ITGA9: variants seen among roughly 807,000 people sequenced by gnomAD.
ITGA9 encodes the protein integrin alpha-9.
ITGA9 carries 56 observed loss-of-function variants against 127.8 expected under a neutral mutation model. That is an observed-to-expected ratio of 0.44 (90% CI 0.35 to 0.55). The LOEUF (loss-of-function observed/expected upper bound fraction) is 0.55. Ranked by LOEUF, ITGA9 falls within the 20% of genes least tolerant of loss-of-function variation. The pLI, the probability that ITGA9 is intolerant of heterozygous loss-of-function variation, is 0.00. For synonymous variants in ITGA9, 508 were observed against 514.5 expected (o/e 0.99, Z 0.17); for missense variants, 1,196 against 1,347.1 (o/e 0.89, Z 1.76).
chr3:37,573,191 A>T (rs1699619581), intron 15 of ITGA9: 1 of 152,090 alleles, frequency 6.6e-6, no homozygotes, highest in African/African-American at 2.4e-5. Flanking sequence ...TGCTAGACAA[A>T]TTCTAAAAGA....
intron 19 of ITGA9, 98 bp downstream of exon 19, chr3:37,732,896 C>A (rs1696311521): frequency 1.1e-6 from 1 of 873,132 alleles, no homozygotes; most frequent in African/African-American, 1.7e-5. Context: ...AGTCCTCCCA[C>A]CCCCTGCCTC....
intron 15 of ITGA9, among the ~76,000 whole-genome samples, chr3:37,566,013 G>A (rs1012685741): frequency 3.3e-5 from 5 of 152,218 alleles, no homozygotes; most frequent in Non-Finnish European, 4.4e-5. Flanking sequence ...ATGAGCACAT[G>A]CCTTGAGGGC....
intron 18 of ITGA9, among the ~76,000 whole-genome samples, chr3:37,705,425 C>T (rs1700993471): frequency 6.6e-6 from 1 of 152,166 alleles, no homozygotes; most frequent in Non-Finnish European, 1.5e-5. Context: ...GAACAAGGCC[C>T]TGGGAAAGGA....
rs1359130314 is a variant in ITGA9 at position 37,732,718 on chromosome 3, A to G, written c.2074A>G (p.Met692Val). 11 of 1,607,724 alleles carry G rather than the reference A, an allele frequency of 6.8e-6. No individual in the cohort carries two copies. The highest frequency in any genetic ancestry group is 8.5e-6 in the Non-Finnish European group (10 of 1,177,920). ...TTGGTGCTTTTTCTTTCAGGAGGAG[A>G]TGGGCATCTCCTGTGAGCTGCTGGA... ...FFINMWQKEE[M>V]GISCELLESD... is the part of the protein sequence containing the mutation. The change falls in exon 19 of 28, where the codon ATG becomes GTG. Residue 692 changes from methionine to valine, a missense_variant. By Grantham distance (21) the Met-to-Val change is conservative. Transcript: ENST00000264741.
At chr3:37,599,736 C>G (rs1335688808) in intron 15 of ITGA9, among the ~76,000 whole-genome samples, 2 of 152,180 alleles carry the variant, frequency 1.3e-5, no homozygotes, top group Non-Finnish European at 2.9e-5. Flanking sequence ...CTGATAGAAT[C>G]TATCTCACAA....
intron 15 of ITGA9, among the ~76,000 whole-genome samples, chr3:37,560,628 TTTAATGATCACCATTC>T (rs1406782523): frequency 6.6e-6 from 1 of 152,236 alleles, no homozygotes; most frequent in Non-Finnish European, 1.5e-5. Context: ...TTCCTGACTT[TTTAATGATCACCATTC>T]TAACTGGCAT....
chr3:37,487,229 A>AT (rs71875218), intron 4 of ITGA9, among the ~76,000 whole-genome samples: 27,604 of 152,180 alleles, frequency 0.18, 2,563 homozygotes, highest in Middle Eastern at 0.22. Context: ...TTTAATAAAC[A>AT]TATCTTATTT....
At chr3:37,736,744 T>A (rs902298616) in intron 19 of ITGA9, among the ~76,000 whole-genome samples, 160 bp from the exon 20 acceptor site, 1 of 152,212 alleles carries the variant, frequency 6.6e-6, no homozygotes, top group Admixed American at 6.5e-5. Flanking sequence ...GGTTTTACTG[T>A]TAAAGCTGTG....
intron 27 of ITGA9, 153 bp from the exon 28 acceptor site, chr3:37,818,734 TTTTC>T: frequency 5.9e-6 from 4 of 674,146 alleles, no homozygotes; most frequent in South Asian, 4.9e-5. Context: ...CACAGGATGT[TTTTC>T]TTGCCAGTGT....
intron 15 of ITGA9, among the ~76,000 whole-genome samples, chr3:37,610,792 C>T (rs537274738): frequency 6.6e-6 from 1 of 152,316 alleles, no homozygotes; most frequent in African/African-American, 2.4e-5. Context: ...AGCTCAGTGT[C>T]TGTCTCTGTT....
chr3:37,691,893 A>G (rs543749535), intron 18 of ITGA9, among the ~76,000 whole-genome samples: 3 of 152,308 alleles, frequency 2.0e-5, no homozygotes, highest in African/African-American at 7.2e-5. Context: ...TGGCTGGAAT[A>G]TTTGTACTTC....
chr3:37,496,201 C>A (rs1233653925), intron 5 of ITGA9, among the ~76,000 whole-genome samples: 1 of 152,206 alleles, frequency 6.6e-6, no homozygotes, highest in East Asian at 1.9e-4. Context: ...AAAGAAAAGG[C>A]AGAAAGTCTG....
chr3:37,762,686 A>G (rs1419545425), intron 23 of ITGA9, among the ~76,000 whole-genome samples: 1 of 152,236 alleles, frequency 6.6e-6, no homozygotes, highest in Admixed American at 6.5e-5. Context: ...CTGCTGGCCC[A>G]GCAGCAGCCA....
intron 15 of ITGA9, among the ~76,000 whole-genome samples, chr3:37,628,863 C>A (rs565392896): frequency 6.6e-6 from 1 of 152,248 alleles, no homozygotes; most frequent in Admixed American, 6.5e-5. Context: ...AGATGTTCTC[C>A]CATTTGCCAA....
chr3:37,767,791 G>A (rs1696796580), intron 23 of ITGA9, among the ~76,000 whole-genome samples: 1 of 152,128 alleles, frequency 6.6e-6, no homozygotes, highest in South Asian at 2.1e-4. Flanking sequence ...AATGAACACG[G>A]GGTCTCTTTT....
chr3:37,794,903 T>A (rs529863177), intron 26 of ITGA9, among the ~76,000 whole-genome samples: 1 of 152,348 alleles, frequency 6.6e-6, no homozygotes, highest in Non-Finnish European at 1.5e-5. Flanking sequence ...TAAGTCTCCC[T>A]GTGCCTCTGA....
intron 4 of ITGA9, among the ~76,000 whole-genome samples, chr3:37,489,513 T>C (rs779672543): frequency 7.2e-5 from 11 of 152,246 alleles, no homozygotes; most frequent in Non-Finnish European, 1.5e-4. Context: ...TTTCTGGCTT[T>C]ATGCACTTTG....
chr3:37,783,081 G>A (rs532076933), intron 25 of ITGA9, among the ~76,000 whole-genome samples: 1 of 151,988 alleles, frequency 6.6e-6, no homozygotes, highest in Non-Finnish European at 1.5e-5. Context: ...GGAGGTTGCA[G>A]TGAGCCAAGA....
At chr3:37,511,410 G>A (rs17036475) in intron 8 of ITGA9, among the ~76,000 whole-genome samples, 2,913 of 152,266 alleles carry the variant, frequency 0.019, 98 homozygotes, top group African/African-American at 0.065. Context: ...AGTATGTGAA[G>A]CATTTGTATT....
Sources: allele counts gnomAD v4.1 joint callset (sites outside exome capture counted in the v4.1 genomes callset), GRCh38; gene constraint gnomAD v4.1.1; transcripts MANE v1.5; gene names NCBI Gene and HGNC (gene_info 2026-07-23, HGNC 2026-07-21).